Variants in SLC36A1 observed in about 807,000 individuals in gnomAD.
The protein encoded by SLC36A1 is proton-coupled amino acid transporter 1.
A neutral mutation model predicts 47.5 loss-of-function variants in SLC36A1; 30 were observed. The observed-to-expected ratio is 0.63, with a 90% CI of 0.47 to 0.86. SLC36A1 has a LOEUF of 0.86. Ranked by LOEUF, SLC36A1 falls within the 40% of genes least tolerant of loss-of-function variation. SLC36A1 has a pLI of 0.00. For missense variants in SLC36A1, 517 were observed against 606.0 expected, an observed-to-expected ratio of 0.85 and a Z score of 1.54; for synonymous variants, 255 against 249.7, an observed-to-expected ratio of 1.02 and a Z score of -0.20.
At chr5:151,358,695 C>T in the SLC36A1 span, among the ~76,000 whole-genome samples, 2 of 151,310 alleles carry the variant, frequency 1.3e-5, no homozygotes, top group Non-Finnish European at 1.5e-5. Context: ...GATTCTCGGC[C>T]GGGCGCGGTG....
the SLC36A1 span, chr5:151,543,132 A>T: frequency 1.2e-6 from 2 of 1,614,186 alleles, no homozygotes; most frequent in Non-Finnish European, 1.7e-6. Context: ...GAGGGCCTCC[A>T]TCTTGGGCTT....
At chr5:151,509,729 T>C in the SLC36A1 span, 1 of 300,198 alleles carries the variant, frequency 3.3e-6, no homozygotes, top group Non-Finnish European at 6.3e-6. Flanking sequence ...CTTCATTATA[T>C]ATTACAATGT....
chr5:151,391,511 C>A, the SLC36A1 span, among the ~76,000 whole-genome samples: 1 of 152,124 alleles, frequency 6.6e-6, no homozygotes, highest in African/African-American at 2.4e-5. Flanking sequence ...CAGTTTTTGC[C>A]CATTCAGAAT....
chr5:151,471,896 T>C (rs1361824680), intron 7 of SLC36A1, among the ~76,000 whole-genome samples: 1 of 152,208 alleles, frequency 6.6e-6, no homozygotes, highest in Non-Finnish European at 1.5e-5. Flanking sequence ...AAGGCTGTTT[T>C]AACATCAATT....
At chr5:151,441,875 G>T (rs1036985185) in intron 1 of SLC36A1, among the ~76,000 whole-genome samples, 1 of 152,046 alleles carries the variant, frequency 6.6e-6, no homozygotes, top group Non-Finnish European at 1.5e-5. Context: ...AATCAAGATG[G>T]TGAACAAATT....
At chr5:151,545,609 C>A in the SLC36A1 span, 15 of 1,613,958 alleles carry the variant, frequency 9.3e-6, no homozygotes, top group African/African-American at 1.3e-5. Context: ...TGGACATAGA[C>A]ACAGAATTGG....
chr5:151,426,112 A>G, the SLC36A1 span, among the ~76,000 whole-genome samples: 1 of 152,190 alleles, frequency 6.6e-6, no homozygotes, highest in Non-Finnish European at 1.5e-5. Context: ...AGATGTGTTC[A>G]TTCTTCATTT....
chr5:151,399,084 A>ATATATATATATATATT, the SLC36A1 span, among the ~76,000 whole-genome samples: 1,235 of 59,976 alleles, frequency 0.021, 25 homozygotes, highest in Non-Finnish European at 0.035. Context: ...ATATATATAT[A>ATATATATATATATATT]TTTTTTTTTT....
At chr5:151,547,474 C>T in the SLC36A1 span, among the ~76,000 whole-genome samples, 10 of 152,316 alleles carry the variant, frequency 6.6e-5, no homozygotes, top group Middle Eastern at 3.4e-3. Flanking sequence ...TGAGAAAATA[C>T]TGCACTTTAC....
chr5:151,354,568 AT>A, the SLC36A1 span, among the ~76,000 whole-genome samples: 1 of 152,292 alleles, frequency 6.6e-6, no homozygotes, highest in Non-Finnish European at 1.5e-5. Context: ...CATTTTATAG[AT>A]GGGGAAACTG....
chr5:151,546,946 A>T, the SLC36A1 span, among the ~76,000 whole-genome samples: 1 of 152,270 alleles, frequency 6.6e-6, no homozygotes, highest in East Asian at 1.9e-4. Context: ...TCCTGAGCAA[A>T]TATCTTTGCC....
In SLC36A1 at chr5:151,462,666, CT is replaced by C. The variant is rs769677218; in HGVS notation, c.144-873del. 3.6e-3 allele frequency among the ~76,000 whole-genome samples: 518 copies of C among 142,410 alleles called. 1 individual carries two copies. Among genetic ancestry groups the C allele is most frequent in the Middle Eastern group, 0.018 (5 of 272 alleles). 93.4% of individuals were successfully genotyped at this position (142,410 alleles called of 152,430 possible). A position where few individuals can be genotyped will look rare whatever the true frequency, so the allele number is the denominator to read the frequency against. On this transcript the variant is annotated intron_variant, in intron 2 of 10. Coordinates refer to ENST00000243389, the MANE Select transcript of SLC36A1 (RefSeq NM_078483.4). ...GCATGAGCCACTGCACCTGGCCTGA[CT>C]TTTTTTTTTTTTTAAATACTAAATG... is the stretch of plus-strand genomic sequence containing the variant.
the SLC36A1 span, among the ~76,000 whole-genome samples, chr5:151,503,627 G>A: frequency 1.3e-5 from 2 of 152,100 alleles, no homozygotes; most frequent in African/African-American, 2.4e-5. Flanking sequence ...GACTAAGGGT[G>A]CGCTGTGGAG....
chr5:151,476,981 G>A (rs754240503), intron 9 of SLC36A1: 3 of 669,744 alleles, frequency 4.5e-6, no homozygotes, highest in South Asian at 3.0e-5. Context: ...CAGCCGATGG[G>A]TAAGCCATTT....
rs1327042137 is a variant in SLC36A1 at position 151,479,303 on chromosome 5, C to T, written c.990-17C>T. The T allele has an allele frequency of 5.0e-6, 8 of 1,612,502 alleles. No homozygotes were observed. The highest frequency in any genetic ancestry group is 4.5e-5 in the East Asian group (2 of 44,844). ...TGTGCTGAGCAGGCTTGGAATGTCT[C>T]CTGTCTGTTTCGGCAGGTTGTACCA... On this transcript the variant is annotated splice_polypyrimidine_tract_variant and intron_variant, in intron 9 of 10. Transcript: ENST00000243389.
the SLC36A1 span, among the ~76,000 whole-genome samples, chr5:151,377,789 C>G: frequency 6.6e-6 from 1 of 152,084 alleles, no homozygotes; most frequent in Non-Finnish European, 1.5e-5. Context: ...TCTTTTTTAA[C>G]TATTTTTGAT....
chr5:151,407,612 C>T, the SLC36A1 span, among the ~76,000 whole-genome samples: 190 of 152,084 alleles, frequency 1.2e-3, 5 homozygotes, highest in East Asian at 0.026. Context: ...AGTCCCCACC[C>T]GACCCAGAAG....
At chr5:151,541,222 TAA>T in the SLC36A1 span, among the ~76,000 whole-genome samples, 2 of 152,244 alleles carry the variant, frequency 1.3e-5, no homozygotes, top group African/African-American at 4.8e-5. Context: ...GGTTTGCTTG[TAA>T]GTCATCTTTC....
the SLC36A1 span, among the ~76,000 whole-genome samples, chr5:151,513,340 A>C: frequency 1.3e-5 from 2 of 152,208 alleles, no homozygotes; most frequent in Non-Finnish European, 2.9e-5. Context: ...CATGGAATCA[A>C]CCTAGATGCT....
Sources: allele counts gnomAD v4.1 joint callset (sites outside exome capture counted in the v4.1 genomes callset), GRCh38; gene constraint gnomAD v4.1.1; transcripts MANE v1.5; gene names NCBI Gene and HGNC (gene_info 2026-07-23, HGNC 2026-07-21).